The following ANO3 variants were observed in gnomAD, a reference collection of about 807,000 sequenced individuals.
The protein encoded by ANO3 is anoctamin-3.
Under a neutral mutation model 144.8 loss-of-function variants are expected in ANO3, and 99 were observed. That is an observed-to-expected ratio of 0.68 (90% CI 0.58 to 0.81). ANO3 has a LOEUF of 0.81. ANO3 is among the 30% of genes least tolerant of loss of function. The probability of loss-of-function intolerance (pLI) is 0.00; values close to 1 mark genes in which losing one functional copy is unlikely to be tolerated. For missense variants in ANO3, 905 were observed against 1,202.2 expected (o/e 0.75, Z 3.66); for synonymous variants, 414 against 392.6 (o/e 1.05, Z -0.64).
At chr11:26,406,802 T>C (rs1466347512) in intron 1 of ANO3, among the ~76,000 whole-genome samples, 3 of 150,612 alleles carry the variant, frequency 2.0e-5, no homozygotes, top group Non-Finnish European at 4.4e-5. Flanking sequence ...ACACAAAATA[T>C]CTTACTCCTT....
intron 7 of ANO3, among the ~76,000 whole-genome samples, chr11:26,530,555 TAA>T (rs72561877): frequency 2.1e-5 from 3 of 143,832 alleles, no homozygotes; most frequent in South Asian, 2.2e-4. Context: ...ATTTTGCGCT[TAA>T]AAAAAAAAAA....
At chr11:26,522,181 C>G (rs2134161703) in intron 6 of ANO3, among the ~76,000 whole-genome samples, 1 of 151,656 alleles carries the variant, frequency 6.6e-6, no homozygotes, top group East Asian at 1.9e-4. Flanking sequence ...GAGACTCCAT[C>G]TCAAAACAAA....
chr11:26,397,025 A>G (rs368777601), intron 1 of ANO3, among the ~76,000 whole-genome samples: 9 of 151,922 alleles, frequency 5.9e-5, no homozygotes, highest in East Asian at 5.8e-4. Context: ...ATAAAGTAAA[A>G]TGGATTATTC....
At chr11:26,552,278 C>G (rs140097189) in intron 12 of ANO3, among the ~76,000 whole-genome samples, 24 of 151,974 alleles carry the variant, frequency 1.6e-4, no homozygotes, top group African/African-American at 5.1e-4. Context: ...TATATACATC[C>G]CATACTTGAA....
intron 1 of ANO3, among the ~76,000 whole-genome samples, chr11:26,223,605 A>T (rs57897111): frequency 1.4e-4 from 20 of 146,378 alleles, no homozygotes; most frequent in African/African-American, 5.2e-4. Context: ...TTTTTAATAA[A>T]AAAAAAAAAA....
intron 4 of ANO3, among the ~76,000 whole-genome samples, chr11:26,497,100 CTGTG>C (rs932925500): frequency 6.7e-6 from 1 of 150,254 alleles, no homozygotes; most frequent in African/African-American, 2.4e-5. Flanking sequence ...ATATATATTT[CTGTG>C]TGTGTATATA....
intron 1 of ANO3, among the ~76,000 whole-genome samples, chr11:26,289,190 CA>C (rs921042658): frequency 3.4e-5 from 5 of 148,996 alleles, no homozygotes; most frequent in Admixed American, 6.7e-5. Flanking sequence ...TAATGACAGG[CA>C]AAAAAAAAGT....
intron 1 of ANO3, among the ~76,000 whole-genome samples, chr11:26,426,137 C>T (rs927177300): frequency 1.3e-5 from 2 of 151,946 alleles, no homozygotes; most frequent in African/African-American, 2.4e-5. Flanking sequence ...ACTCAGTACT[C>T]GCAAATCAAT....
At chr11:26,214,665 C>T (rs571527322) in intron 1 of ANO3, among the ~76,000 whole-genome samples, 65 of 152,026 alleles carry the variant, frequency 4.3e-4, no homozygotes, top group Admixed American at 6.6e-5. Context: ...TACAAAGAAT[C>T]ACCACATACA....
intron 1 of ANO3, among the ~76,000 whole-genome samples, chr11:26,392,336 T>C (rs1306153900): frequency 6.6e-6 from 1 of 151,808 alleles, no homozygotes; most frequent in African/African-American, 2.4e-5. Flanking sequence ...GTATATTTGA[T>C]AACTTAAAAA....
At position 26,357,139 on chromosome 11, in the gene ANO3, C is replaced by T. The variant is rs539065269; in HGVS notation, c.46+24818C>T. ...TCCATTCACCTTTGATGGTCATTTC[C>T]GTTGTTTCCAGTTTGGCAGCTATTA... On this transcript the variant is annotated intron_variant, in intron 1 of 26. Transcript: ENST00000256737. 5.9e-5 allele frequency among the ~76,000 whole-genome samples: 9 copies of T among 152,242 alleles called. No individual in the cohort carries two copies. In the South Asian group the frequency reaches 1.7e-3, roughly 28 times the overall value.
chr11:26,326,419 A>G (rs781151736), intron 1 of ANO3, among the ~76,000 whole-genome samples: 12 of 152,142 alleles, frequency 7.9e-5, no homozygotes, highest in Admixed American at 6.6e-4. Flanking sequence ...ATCATTATGG[A>G]TGTATCTATG....
At chr11:26,629,859 G>A (rs531316520) in intron 18 of ANO3, among the ~76,000 whole-genome samples, 5 of 152,230 alleles carry the variant, frequency 3.3e-5, no homozygotes, top group South Asian at 2.1e-4. Context: ...TCGAACTGCC[G>A]ACCTCAGGTG....
At position 26,326,539 on chromosome 11, in the gene ANO3, G is replaced by A. The variant is rs564314881; in HGVS notation, c.-3+16820G>A. The stretch of plus-strand genomic sequence containing the variant: ...AAATAAATATTCATGCACACTCAAC[G>A]TTTGAATGATTGCTTAGCATTGTGT... On this transcript the variant is annotated intron_variant, in intron 1 of 26. Coordinates refer to the ANO3 transcript ENST00000525139. Among the ~76,000 whole-genome samples, 42 of 152,188 alleles carry A rather than the reference G, an allele frequency of 2.8e-4. 1 individual carries two copies. The South Asian group carries it at 8.1e-3, about 29-fold the overall frequency.
chr11:26,553,219 G>A, intron 12 of ANO3, 30 bp from the exon 13 acceptor site: 3 of 1,197,676 alleles, frequency 2.5e-6, no homozygotes, highest in Non-Finnish European at 3.5e-6. Context: ...GCTATGTTTT[G>A]TTTTGTTTTT....
rs554801804 is a variant in ANO3, at chr11:26,413,223, T to G, written c.47-28695T>G. ...CAGAGGAAATGAAGGAAACGCTGCC[T>G]GGTTCAATCACACCCTTTTGCAAAT... On this transcript the variant is annotated intron_variant, in intron 1 of 26. Coordinates refer to ENST00000256737, the MANE Select transcript of ANO3 (RefSeq NM_031418.4). Among the ~76,000 whole-genome samples the G allele has an allele frequency of 3.9e-5, 6 of 152,158 alleles. No homozygotes were observed. In the East Asian group the frequency reaches 1.2e-3, roughly 30 times the overall value.
At chr11:26,398,839 A>G (rs1373449392) in intron 1 of ANO3, among the ~76,000 whole-genome samples, 1 of 152,036 alleles carries the variant, frequency 6.6e-6, no homozygotes, top group Non-Finnish European at 1.5e-5. Flanking sequence ...AAAATGAGAG[A>G]AAAGAACACA....
At chr11:26,216,522 G>A (rs1211430109) in intron 1 of ANO3, among the ~76,000 whole-genome samples, 1 of 151,806 alleles carries the variant, frequency 6.6e-6, no homozygotes, top group Admixed American at 6.6e-5. Context: ...CCATTCACTT[G>A]TTAAAGATAT....
intron 14 of ANO3, among the ~76,000 whole-genome samples, chr11:26,564,830 A>C (rs1359330914): frequency 7.3e-6 from 1 of 137,212 alleles, no homozygotes; most frequent in Non-Finnish European, 1.5e-5. Flanking sequence ...AATTTCAGGT[A>C]GTCTTTTCAA....
Sources: allele counts gnomAD v4.1 joint callset (sites outside exome capture counted in the v4.1 genomes callset), GRCh38; gene constraint gnomAD v4.1.1; transcripts MANE v1.5; gene names NCBI Gene and HGNC (gene_info 2026-07-23, HGNC 2026-07-21).